The following HHAT variants were observed in gnomAD, a reference collection of about 807,000 sequenced individuals.
HHAT encodes the protein hedgehog acyltransferase, also known as protein-cysteine N-palmitoyltransferase HHAT.
HHAT carries 47 observed loss-of-function variants against 70.8 expected under a neutral mutation model. The ratio of observed to expected loss-of-function variants is 0.66; its 90% CI spans 0.53 to 0.85. The LOEUF (loss-of-function observed/expected upper bound fraction) is 0.85. Ranked by LOEUF, HHAT falls within the 40% of genes least tolerant of loss-of-function variation. HHAT has a pLI of 0.00. For synonymous variants in HHAT, 228 were observed against 247.6 expected (o/e 0.92, Z 0.74); for missense variants, 609 against 604.8 (o/e 1.01, Z -0.07).
chr1:210,532,128 TAG>T (rs2095321481), intron 9 of HHAT, among the ~76,000 whole-genome samples: 1 of 152,246 alleles, frequency 6.6e-6, no homozygotes, highest in African/African-American at 2.4e-5. Context: ...GTGTTTTTCA[TAG>T]AGTGACATTT....
At chr1:210,397,166 TG>T (rs1191867364) in intron 4 of HHAT, among the ~76,000 whole-genome samples, 1 of 152,236 alleles carries the variant, frequency 6.6e-6, no homozygotes, top group African/African-American at 2.4e-5. Flanking sequence ...GGATGTCTCT[TG>T]TATGTATATG....
chr1:210,538,483 G>T (rs2095396994), intron 9 of HHAT, among the ~76,000 whole-genome samples: 1 of 152,074 alleles, frequency 6.6e-6, no homozygotes, highest in Admixed American at 6.5e-5. Flanking sequence ...AAGAAGGGAA[G>T]AAAAATGGAG....
intron 9 of HHAT, among the ~76,000 whole-genome samples, chr1:210,567,349 G>T (rs1189331460): frequency 6.6e-6 from 1 of 152,158 alleles, no homozygotes; most frequent in African/African-American, 2.4e-5. Context: ...CAGTTCCTCA[G>T]GTAGGGAAGT....
chr1:210,342,115 T>A (rs1443816246), intron 1 of HHAT, among the ~76,000 whole-genome samples: 3 of 152,090 alleles, frequency 2.0e-5, no homozygotes, highest in Admixed American at 6.6e-5. Context: ...CAAGGACAAC[T>A]CAATTTTTCC....
intron 8 of HHAT, among the ~76,000 whole-genome samples, chr1:210,506,721 A>G (rs2094861532): frequency 6.6e-6 from 1 of 152,198 alleles, no homozygotes; most frequent in African/African-American, 2.4e-5. Context: ...TAATCAGTGT[A>G]TTAAATAACT....
chr1:210,631,199 T>C (rs1349483454), intron 11 of HHAT: 12 of 439,864 alleles, frequency 2.7e-5, no homozygotes, highest in Non-Finnish European at 5.5e-5. Flanking sequence ...GCCCTTTGAC[T>C]CCAAATTCTA....
intron 5 of HHAT, among the ~76,000 whole-genome samples, chr1:210,401,580 A>G (rs979395469): frequency 6.6e-6 from 1 of 152,232 alleles, no homozygotes; most frequent in African/African-American, 2.4e-5. Context: ...GTGCTAATAG[A>G]GGAGGACACT....
At chr1:210,366,878 A>G (rs1571915057) in intron 3 of HHAT, among the ~76,000 whole-genome samples, 2 of 152,104 alleles carry the variant, frequency 1.3e-5, no homozygotes, top group South Asian at 4.1e-4. Flanking sequence ...GCTCCCTGTC[A>G]CGAAGCATTG....
At chr1:210,484,980 C>T (rs1367284473) in intron 8 of HHAT, among the ~76,000 whole-genome samples, 1 of 152,052 alleles carries the variant, frequency 6.6e-6, no homozygotes, top group Non-Finnish European at 1.5e-5. Context: ...AATTTGGGGT[C>T]ATTGCTGGCT....
chr1:210,370,608 C>CTCT (rs1196009836), intron 3 of HHAT, among the ~76,000 whole-genome samples: 2 of 102,682 alleles, frequency 1.9e-5, no homozygotes, highest in Admixed American at 1.1e-4. Context: ...ATTGCAGATG[C>CTCT]TATTTTTTTT....
chr1:210,540,262 G>A (rs556031438), intron 9 of HHAT, among the ~76,000 whole-genome samples: 6 of 152,260 alleles, frequency 3.9e-5, no homozygotes, highest in East Asian at 1.9e-4. Context: ...AAGATGTTCC[G>A]CAACAGCTTT....
intron 11 of HHAT, among the ~76,000 whole-genome samples, chr1:210,646,788 T>G (rs1320555486): frequency 2.0e-5 from 3 of 152,178 alleles, no homozygotes; most frequent in Non-Finnish European, 4.4e-5. Flanking sequence ...GAACTGAAAC[T>G]CTAGATATTT....
intron 1 of HHAT, among the ~76,000 whole-genome samples, chr1:210,344,252 G>A (rs908128273): frequency 3.3e-5 from 5 of 152,150 alleles, no homozygotes; most frequent in Non-Finnish European, 1.5e-5. Context: ...ACAAAACATA[G>A]AGCATTGTTG....
intron 8 of HHAT, among the ~76,000 whole-genome samples, chr1:210,502,763 GACA>G (rs1457718163): frequency 1.3e-5 from 2 of 152,102 alleles, no homozygotes; most frequent in East Asian, 1.9e-4. Flanking sequence ...TTTCTTAATA[GACA>G]ACAACTTATA....
At chr1:210,502,969 GAT>G (rs963311369) in intron 8 of HHAT, among the ~76,000 whole-genome samples, 20 of 129,348 alleles carry the variant, frequency 1.5e-4, no homozygotes, top group Non-Finnish European at 2.2e-4. Context: ...ATATACTGAA[GAT>G]ATTTTTTTTT....
At chr1:210,573,120 T>C (rs1477551024) in intron 9 of HHAT, among the ~76,000 whole-genome samples, 1 of 152,200 alleles carries the variant, frequency 6.6e-6, no homozygotes, top group Non-Finnish European at 1.5e-5. Flanking sequence ...ATTTTGTAAC[T>C]CTTCAAGAGC....
At chr1:210,562,531 G>T (rs767825717) in intron 9 of HHAT, among the ~76,000 whole-genome samples, 5 of 152,070 alleles carry the variant, frequency 3.3e-5, no homozygotes, top group Non-Finnish European at 5.9e-5. Flanking sequence ...GCTGAGGTGA[G>T]TCTTTGTCAC....
chr1:210,336,301 T>G lies in HHAT; in HGVS notation c.-44+7197T>G, dbSNP rs1308276265. On this transcript the variant is annotated intron_variant, in intron 1 of 11. Transcript: ENST00000261458. ...GTGCCTGGCTAATTTTTTTTTTTTT[T>G]TTTTTTTTTAGAGACAGGGTCTTAC... Among the ~76,000 whole-genome samples the G allele has an allele frequency of 5.6e-5, 8 of 143,322 alleles. 1 individual carries two copies. The East Asian group carries it at 1.6e-3, about 29-fold the overall frequency. The allele number at this position is 143,322 out of a possible 152,430, so 94.0% of individuals were successfully genotyped here.
intron 8 of HHAT, among the ~76,000 whole-genome samples, chr1:210,507,431 G>A (rs1302617486): frequency 2.0e-5 from 3 of 149,416 alleles, no homozygotes; most frequent in Non-Finnish European, 4.4e-5. Context: ...TGCAATCTCG[G>A]CTCACTGTAA....
Sources: gnomAD v4.1 joint callset for allele counts (sites outside exome capture counted in the v4.1 genomes callset) on GRCh38, gnomAD v4.1.1 for gene constraint, MANE v1.5 for transcripts, NCBI Gene and HGNC (gene_info 2026-07-23, HGNC 2026-07-21) for gene names.